Variants in AP5Z1 observed in about 807,000 individuals in gnomAD.
AP5Z1 encodes adaptor related protein complex 5 subunit zeta 1.
AP5Z1 carries 106 observed loss-of-function variants against 83.0 expected under a neutral mutation model. The observed-to-expected ratio is 1.28, with a 90% CI of 1.09 to 1.50. The LOEUF is 1.50. Among genes scored for constraint, AP5Z1 ranks in the 40% most tolerant of loss-of-function variants. AP5Z1 has a pLI of 0.00. For missense variants in AP5Z1, 1,565 were observed against 1,094.2 expected (o/e 1.43, Z -6.07); for synonymous variants, 751 against 514.1 (o/e 1.46, Z -6.23).
rs201203264 is a variant in AP5Z1 at position 4,783,366 on chromosome 7, G to A, written c.417G>A (p.Ala139=). ...VRAVGQGVLR[A]LESRQPEGPS... ...CCGTGGGCCAGGGCGTGCTACGAGC[G>A]CTGGAGAGCCGGCAGCCTGAGGGAC... Residue 139 remains alanine, a synonymous_variant, in exon 4 of 17, where the codon GCG becomes GCA. Coordinates refer to ENST00000649063, the MANE Select transcript of AP5Z1 (RefSeq NM_014855.3). 157 of 1,612,946 alleles carry A rather than the reference G, an allele frequency of 9.7e-5. No homozygotes were observed. The highest frequency in any genetic ancestry group is 1.3e-4 in the Non-Finnish European group (151 of 1,179,802).
In AP5Z1 at chr7:4,778,750, T is replaced by C. The variant is rs908869939; in HGVS notation, c.42-2425T>C. Among the ~76,000 whole-genome samples, 28 of 146,748 alleles carry C rather than the reference T, an allele frequency of 1.9e-4. 1 individual carries two copies. The highest frequency in any genetic ancestry group is 5.5e-4 in the Admixed American group (8 of 14,542). On this transcript the variant is annotated intron_variant, in intron 1 of 16. Transcript: ENST00000649063. ...GTGTATATATAATTTATATATAACA[T>C]TTTATATATTATATATTACATATAT...
In AP5Z1 at chr7:4,793,858, G is replaced by T; in HGVS notation, c.*2473G>T. 6.5e-6 allele frequency: 1 copy of T among 153,528 alleles called. No homozygotes were observed. The highest frequency in any genetic ancestry group is 1.5e-5 in the Non-Finnish European group (1 of 68,874). 9.5% of individuals were successfully genotyped at this position (153,528 alleles called of 1,614,324 possible). On this transcript the variant is annotated 3_prime_UTR_variant, in exon 17 of 17. Transcript: ENST00000649063. ...ACCCAGTCCCATCGACCACCCAAGGGCTGAGGAGTGCCTTTGGAGCAGGGC... is the reference window on the plus strand; with the variant it reads ...ACCCAGTCCCATCGACCACCCAAGGTCTGAGGAGTGCCTTTGGAGCAGGGC...
chr7:4,790,387 A>C (rs1733475922), intron 14 of AP5Z1, 72 bp from the exon 15 acceptor site: 1 of 1,607,494 alleles, frequency 6.2e-7, no homozygotes. Flanking sequence ...GGGTTTCTCC[A>C]GGCCCTTGGC....
chr7:4,776,896 G>C (rs923527164), intron 1 of AP5Z1, among the ~76,000 whole-genome samples: 10 of 152,166 alleles, frequency 6.6e-5, no homozygotes, highest in African/African-American at 2.4e-4. Context: ...ACTCCAGTCT[G>C]GGTGACAGAA....
rs140555165 is a variant in AP5Z1 at position 4,794,104 on chromosome 7, C to G, written c.*2719C>G. The G allele has an allele frequency of 6.6e-6, 1 of 152,354 alleles. No homozygotes were observed. The highest frequency in any genetic ancestry group is 2.4e-5 in the African/African-American group (1 of 41,438). The allele number at this position is 152,354 out of a possible 1,614,324, so 9.4% of individuals were successfully genotyped here. A position where few individuals can be genotyped will look rare whatever the true frequency, so the allele number is the denominator to read the frequency against. On this transcript the variant is annotated 3_prime_UTR_variant, in exon 17 of 17. Transcript: ENST00000649063. ...GTTTGTGAATGCACCAATAGACACT[C>G]TGTATCTAGCTACTCTGGTGGGGAC... is the stretch of plus-strand genomic sequence containing the variant.
rs1194270641 is a variant in AP5Z1, at chr7:4,790,520, G to C, written c.1867G>C (p.Ala623Pro). ...TLKPSLVVEL[A>P]RDLLEFLGSV... The stretch of plus-strand genomic sequence containing the variant: ...GAAACCCTCCCTGGTGGTGGAGCTG[G>C]CAAGAGACCTGCTGGAGTTCCTGGG... The change falls in exon 15 of 17, where the codon GCA becomes CCA. Residue 623 changes from alanine (A) to proline (P), a missense_variant. Transcript: ENST00000649063. The C allele has an allele frequency of 2.5e-6, 4 of 1,613,064 alleles. No individual in the cohort carries two copies. Among genetic ancestry groups the C allele is most frequent in the Middle Eastern group, 1.6e-4 (1 of 6,084 alleles).
chr7:4,782,137 C>T (rs989467330), intron 3 of AP5Z1, among the ~76,000 whole-genome samples: 5 of 152,146 alleles, frequency 3.3e-5, no homozygotes, highest in African/African-American at 9.7e-5. Flanking sequence ...ACTGCAGCCT[C>T]GACCTCCCTG....
rs193025199 is a variant in AP5Z1 at position 4,776,320 on chromosome 7, T to G, written c.41+564T>G. 7.4e-4 allele frequency among the ~76,000 whole-genome samples: 112 copies of G among 152,208 alleles called. 2 individuals carry two copies. Among genetic ancestry groups the G allele is most frequent in the African/African-American group, 2.6e-3 (109 of 41,534 alleles). ...CTCCCAGTAACGAGTGAGTAGCTCC[T>G]TCCTCACCAACTAACCAGTCATGGG... On this transcript the variant is annotated intron_variant, in intron 1 of 16. Transcript: ENST00000649063.
intron 7 of AP5Z1, among the ~76,000 whole-genome samples, 171 bp from the exon 8 acceptor site, chr7:4,785,244 C>T (rs1012815239): frequency 3.3e-5 from 5 of 152,214 alleles, no homozygotes; most frequent in Admixed American, 6.5e-5. Context: ...GCCCCCAGCC[C>T]GGCCCTGTCC....
Position 4,786,413 on chromosome 7 carries a change from C to A in AP5Z1, c.1296C>A (p.Phe432Leu), listed in dbSNP as rs1445917813. 1 of 1,613,848 alleles carries A rather than the reference C, an allele frequency of 6.2e-7. No homozygotes were observed. Among genetic ancestry groups the A allele is most frequent in the Non-Finnish European group, 8.5e-7 (1 of 1,179,844 alleles). The change falls in exon 10 of 17, where the codon TTC becomes TTA. Residue 432 changes from phenylalanine to leucine, a missense_variant. Transcript: ENST00000649063. The part of the protein sequence containing the change: ...SGHLSTLRLS[F>L]PNLFKFLAWN... ...ACCTCAGCACCCTCAGATTGAGCTT[C>A]CCCAACCTCTTTAAGGTATATTTGG... is the stretch of plus-strand genomic sequence containing the variant.
chr7:4,789,265 C>T lies in AP5Z1; in HGVS notation c.1707+314C>T, dbSNP rs75149652. On this transcript the variant is annotated intron_variant, in intron 13 of 16. Coordinates refer to ENST00000649063, the MANE Select transcript of AP5Z1 (RefSeq NM_014855.3). ...AGGTCCTGTCTCCCATCCCAGCAGG[C>T]TCCATCCAACTGCCCCAGCAGGCCC... Among the ~76,000 whole-genome samples the T allele has an allele frequency of 0.011, 1,627 of 152,140 alleles. 13 individuals carry two copies. The highest frequency in any genetic ancestry group is 0.051 in the Middle Eastern group (15 of 294).
chr7:4,779,458 ATATATAT>A (rs1349686321), intron 1 of AP5Z1, among the ~76,000 whole-genome samples: 1 of 146,886 alleles, frequency 6.8e-6, no homozygotes, highest in Non-Finnish European at 1.5e-5. Context: ...TATATATAAC[ATATATAT>A]TATATTATAT....
chr7:4,785,714 G>A lies in AP5Z1; in HGVS notation c.1132+30G>A, dbSNP rs373873011. On this transcript the variant is annotated intron_variant, in intron 9 of 16. Transcript: ENST00000649063. ...GCCCAGGGTGGGGTGGCGCTGACTC[G>A]GGGCTCTGCTTCTGCCTTTAGTTTT... is the stretch of plus-strand genomic sequence containing the variant. 20 of 1,441,934 alleles carry A rather than the reference G, an allele frequency of 1.4e-5. No individual in the cohort carries two copies. The East Asian group carries it at 1.5e-4, about 11-fold the overall frequency. 89.3% of individuals were successfully genotyped at this position (1,441,934 alleles called of 1,614,324 possible).
rs1211557206 is a variant in AP5Z1, at chr7:4,775,641, G to C, written c.-75G>C. 8 of 1,588,980 alleles carry C rather than the reference G, an allele frequency of 5.0e-6. No individual in the cohort carries two copies. Among genetic ancestry groups the C allele is most frequent in the Non-Finnish European group, 6.8e-6 (8 of 1,171,444 alleles). ...CTCACGTGACGCGGTCCCGGAAGTT[G>C]ACCGGGGTGCGGAGCTCCTGGGCTG... On this transcript the variant is annotated 5_prime_UTR_variant, in exon 1 of 17. Coordinates refer to ENST00000649063, the MANE Select transcript of AP5Z1 (RefSeq NM_014855.3).
At chr7:4,786,832 G>T (rs907473879) in intron 10 of AP5Z1, among the ~76,000 whole-genome samples, 2 of 151,868 alleles carry the variant, frequency 1.3e-5, no homozygotes, top group Non-Finnish European at 2.9e-5. Context: ...GTGCAGTGGC[G>T]CAATCTCAGC....
At chr7:4,788,597 T>C (rs1781635596) in intron 12 of AP5Z1, 1 of 498,600 alleles carries the variant, frequency 2.0e-6, no homozygotes, top group African/African-American at 2.0e-5. Context: ...GCAGGAGGCC[T>C]GGGACCGGCC....
Position 4,791,187 on chromosome 7 carries a change from G to T in AP5Z1, c.2226G>T (p.Glu742Asp). ...CCACCAGCTCCACGCACAGCGAGGA[G>T]GGCGCGGAAGCCATCCGTACCCGGG... ...SPATSSTHSE[E>D]GAEAIRTRAT... Residue 742 changes from glutamate to aspartate, a missense_variant, in exon 17 of 17, where the codon GAG becomes GAT. By Grantham distance (45) the Glu-to-Asp change is conservative. Coordinates refer to ENST00000649063, the MANE Select transcript of AP5Z1 (RefSeq NM_014855.3). 2.5e-6 allele frequency: 4 copies of T among 1,612,460 alleles called. No individual in the cohort carries two copies. Among genetic ancestry groups the T allele is most frequent in the Non-Finnish European group, 3.4e-6 (4 of 1,179,740 alleles).
In AP5Z1 at chr7:4,788,204, C is replaced by G. The variant is rs749763325; in HGVS notation, c.1505C>G (p.Ala502Gly). ...ERPLWDTSLRAPSCLEAFRDP... is the reference protein window; with the variant it reads ...ERPLWDTSLRGPSCLEAFRDP... ...CCACTCTGGGACACCTCTCTCAGGG[C>G]CCCCAGCTGCCTGGAGGCCTTCCGG... is the stretch of plus-strand genomic sequence containing the variant. The change falls in exon 12 of 17, where the codon GCC becomes GGC. Residue 502 changes from alanine (A) to glycine (G), a missense_variant. Coordinates refer to ENST00000649063, the MANE Select transcript of AP5Z1 (RefSeq NM_014855.3). 1.3e-6 allele frequency: 2 copies of G among 1,563,096 alleles called. No individual in the cohort carries two copies. The highest frequency in any genetic ancestry group is 3.8e-5 in the Admixed American group (2 of 52,848).
Position 4,788,960 on chromosome 7 carries a change from G to T in AP5Z1, c.1707+9G>T, listed in dbSNP as rs1042079294. 1.9e-6 allele frequency: 3 copies of T among 1,606,090 alleles called. No homozygotes were observed. The highest frequency in any genetic ancestry group is 1.1e-5 in the South Asian group (1 of 90,128). On this transcript the variant is annotated intron_variant, in intron 13 of 16. Transcript: ENST00000649063. ...TCTCAGCAGTGACCCAGGTGAGCTC[G>T]CTGCCTGGGGCCCCCCATTCCCACA...
Sources: gnomAD v4.1 joint callset for allele counts (sites outside exome capture counted in the v4.1 genomes callset) on GRCh38, gnomAD v4.1.1 for gene constraint, MANE v1.5 for transcripts, NCBI Gene and HGNC (gene_info 2026-07-23, HGNC 2026-07-21) for gene names.